Variants in TNFSF4 observed in about 807,000 individuals in gnomAD.
TNFSF4 encodes the protein TNF superfamily member 4.
A neutral mutation model predicts 7.3 loss-of-function variants in TNFSF4; 4 were observed. That is an observed-to-expected ratio of 0.55 (90% CI 0.27 to 1.25). TNFSF4 has a LOEUF of 1.25. Ranked by LOEUF, TNFSF4 falls within the 50% of genes most tolerant of loss-of-function variation. The probability of loss-of-function intolerance (pLI) is 0.12; values close to 1 mark genes in which losing one functional copy is unlikely to be tolerated. For synonymous variants in TNFSF4, 76 were observed against 83.7 expected (o/e 0.91, Z 0.50); for missense variants, 181 against 208.8 (o/e 0.87, Z 0.82).
At chr1:173,301,246 C>T in the TNFSF4 span, among the ~76,000 whole-genome samples, 1 of 151,848 alleles carries the variant, frequency 6.6e-6, no homozygotes, top group Non-Finnish European at 1.5e-5. Flanking sequence ...GACAGACCAC[C>T]ACCTTTCCCA....
chr1:173,228,215 C>G, the TNFSF4 span, among the ~76,000 whole-genome samples: 1 of 152,172 alleles, frequency 6.6e-6, no homozygotes, highest in African/African-American at 2.4e-5. Flanking sequence ...AGCTGGGTAC[C>G]CCTCTGAGAC....
the TNFSF4 span, among the ~76,000 whole-genome samples, chr1:173,374,025 A>G: frequency 6.6e-6 from 1 of 152,182 alleles, no homozygotes; most frequent in Non-Finnish European, 1.5e-5. Context: ...GGCAAATGAA[A>G]CACTCAAGAG....
the TNFSF4 span, among the ~76,000 whole-genome samples, chr1:173,177,485 A>G: frequency 6.6e-6 from 1 of 152,104 alleles, no homozygotes; most frequent in African/African-American, 2.4e-5. Context: ...AAAGCTACCT[A>G]TCGGGTTCTT....
chr1:173,382,874 TCACACACACACA>T, the TNFSF4 span, among the ~76,000 whole-genome samples: 11 of 91,278 alleles, frequency 1.2e-4, no homozygotes, highest in Non-Finnish European at 2.0e-4. Flanking sequence ...TTTACTGTTT[TCACACACACACA>T]CACACACACA....
the TNFSF4 span, among the ~76,000 whole-genome samples, chr1:173,316,776 AAATT>A: frequency 6.6e-6 from 1 of 152,178 alleles, no homozygotes; most frequent in South Asian, 2.1e-4. Context: ...TAGACAAAAG[AAATT>A]TTTACAAGGT....
chr1:173,242,006 T>A, the TNFSF4 span, among the ~76,000 whole-genome samples: 1 of 152,198 alleles, frequency 6.6e-6, no homozygotes, highest in Non-Finnish European at 1.5e-5. Context: ...CTCGAAGATG[T>A]CAAAGAAGCA....
chr1:173,254,089 GCAAAGGTAGCCATCAGT>G, the TNFSF4 span, among the ~76,000 whole-genome samples: 8 of 152,200 alleles, frequency 5.3e-5, no homozygotes, highest in Non-Finnish European at 1.0e-4. Flanking sequence ...TTAATACAAT[GCAAAGGTAGCCATCAGT>G]CAAAGTGTGA....
At chr1:173,235,468 G>A in the TNFSF4 span, among the ~76,000 whole-genome samples, 1 of 152,196 alleles carries the variant, frequency 6.6e-6, no homozygotes, top group Non-Finnish European at 1.5e-5. Context: ...CCCTTAGTCT[G>A]AGCCACTCCA....
chr1:173,374,910 A>T, the TNFSF4 span, among the ~76,000 whole-genome samples: 17 of 152,160 alleles, frequency 1.1e-4, no homozygotes, highest in Non-Finnish European at 1.8e-4. Context: ...TATGTACCTC[A>T]TTATCCTACT....
chr1:173,224,598 A>C, the TNFSF4 span, among the ~76,000 whole-genome samples: 3 of 152,218 alleles, frequency 2.0e-5, no homozygotes, highest in African/African-American at 7.2e-5. Context: ...GAAACATGCA[A>C]CGCAGTAAGG....
the TNFSF4 span, among the ~76,000 whole-genome samples, chr1:173,360,905 A>T: frequency 6.6e-6 from 1 of 152,220 alleles, no homozygotes; most frequent in Admixed American, 6.5e-5. Context: ...CAAAGGGGGC[A>T]TTTCACACGG....
chr1:173,403,902 A>G, the TNFSF4 span, among the ~76,000 whole-genome samples: 1 of 14,696 alleles, frequency 6.8e-5, no homozygotes, highest in African/African-American at 3.3e-4. Flanking sequence ...ACTGTGTCTC[A>G]AAAAAAAAAA....
the TNFSF4 span, among the ~76,000 whole-genome samples, chr1:173,389,586 A>G: frequency 1.3e-5 from 2 of 152,342 alleles, no homozygotes; most frequent in South Asian, 4.1e-4. Flanking sequence ...CACGGATCAG[A>G]ACAGAAATGT....
chr1:173,194,373 A>G (rs7518045), intron 1 of TNFSF4, among the ~76,000 whole-genome samples: 16,107 of 152,308 alleles, frequency 0.11, 1,007 homozygotes, highest in Admixed American at 0.16. Context: ...AGTTGGGAAA[A>G]TAGTCCCTGT....
chr1:173,246,154 T>G, the TNFSF4 span, among the ~76,000 whole-genome samples: 1 of 152,194 alleles, frequency 6.6e-6, no homozygotes, highest in African/African-American at 2.4e-5. Context: ...ACATCTATAC[T>G]TTTTTTTATT....
Position 173,188,544 on chromosome 1 carries a change from T to C in TNFSF4, c.179A>G (p.Gln60Arg). Residue 60 changes from glutamine to arginine, a missense_variant, in exon 2 of 3, where the codon CAA (glutamine) becomes CGA (arginine). Coordinates refer to ENST00000281834, the MANE Select transcript of TNFSF4 (RefSeq NM_003326.5). ...LQVSHRYPRI[Q>R]SIKVQFTEYK... is the part of the protein sequence containing the mutation. ...ACCGGTAAATTGTACTTTGATACTT[T>C]GAATTCGAGGATACCGATGTGATAC... 6.2e-7 allele frequency: 1 copy of C among 1,612,526 alleles called. No homozygotes were observed. Among genetic ancestry groups the C allele is most frequent in the Non-Finnish European group, 8.5e-7 (1 of 1,178,690 alleles).
intron 1 of TNFSF4, among the ~76,000 whole-genome samples, chr1:173,203,488 G>C (rs1369785695): frequency 6.6e-6 from 1 of 152,106 alleles, no homozygotes; most frequent in African/African-American, 2.4e-5. Flanking sequence ...AAATGACATG[G>C]AGACATTTAA....
At chr1:173,219,542 GGAAAA>G in the TNFSF4 span, among the ~76,000 whole-genome samples, 1 of 152,058 alleles carries the variant, frequency 6.6e-6, no homozygotes, top group Non-Finnish European at 1.5e-5. Context: ...TCTCCCCACA[GGAAAA>G]GAAGTCATTA....
the TNFSF4 span, among the ~76,000 whole-genome samples, chr1:173,394,988 A>ATAGT: frequency 1.1e-5 from 1 of 91,850 alleles, no homozygotes; most frequent in East Asian, 3.3e-4. Flanking sequence ...TAGAGGACAC[A>ATAGT]TAGATAGATA....
Sources: allele counts gnomAD v4.1 joint callset (sites outside exome capture counted in the v4.1 genomes callset), GRCh38; gene constraint gnomAD v4.1.1; transcripts MANE v1.5; gene names NCBI Gene and HGNC (gene_info 2026-07-23, HGNC 2026-07-21).